Variants in SCN2A observed in about 807,000 individuals in gnomAD.
SCN2A encodes the protein sodium voltage-gated channel alpha subunit 2.
SCN2A carries 20 observed loss-of-function variants against 188.7 expected under a neutral mutation model. The observed-to-expected ratio is 0.11, with a 90% CI of 0.07 to 0.15. SCN2A has a LOEUF of 0.15. SCN2A is among the 10% of genes least tolerant of loss of function. The probability of loss-of-function intolerance (pLI) is 1.00; values close to 1 mark genes in which losing one functional copy is unlikely to be tolerated. For missense variants in SCN2A, 1,278 were observed against 2,445.0 expected (o/e 0.52, Z 10.07); for synonymous variants, 804 against 833.1 (o/e 0.97, Z 0.60).
At chr2:165,249,605 C>G (rs570440570) in intron 1 of SCN2A, among the ~76,000 whole-genome samples, 1 of 151,940 alleles carries the variant, frequency 6.6e-6, no homozygotes, top group Non-Finnish European at 1.5e-5. Flanking sequence ...AAATTGACCT[C>G]ATCGTTTTGT....
In SCN2A at chr2:165,354,793, A is replaced by C. The variant is rs1345462723; in HGVS notation, c.3399+122A>C. The C allele has an allele frequency of 3.1e-6, 3 of 969,684 alleles. No homozygotes were observed. The African/African-American group carries it at 5.0e-5, about 16-fold the overall frequency. The allele number at this position is 969,684 out of a possible 1,614,324, so 60.1% of individuals were successfully genotyped here. ...GAAAATAGAAAATATCTGTCTAGCAATATATTTTCCATGGAAAAGTTGGTA... is the reference window on the plus strand; with the variant it reads ...GAAAATAGAAAATATCTGTCTAGCACTATATTTTCCATGGAAAAGTTGGTA... On this transcript the variant is annotated intron_variant, in intron 17 of 26. Transcript: ENST00000375437.
At chr2:165,292,423 C>A (rs1309484168) in intron 1 of SCN2A, among the ~76,000 whole-genome samples, 1 of 152,120 alleles carries the variant, frequency 6.6e-6, no homozygotes, top group Non-Finnish European at 1.5e-5. Flanking sequence ...ATTGAACCCA[C>A]CACCCAGGTA....
At chr2:165,287,289 C>T (rs1695886695) in intron 1 of SCN2A, among the ~76,000 whole-genome samples, 1 of 152,144 alleles carries the variant, frequency 6.6e-6, no homozygotes, top group African/African-American at 2.4e-5. Context: ...AGGCTGTACA[C>T]ATGTGCAGTG....
chr2:165,313,610 C>T lies in SCN2A; in HGVS notation c.1035-10C>T. The stretch of plus-strand genomic sequence containing the variant: ...ATTGACTTCCTTTCTTTCCTCTAAC[C>T]TAATTATAGCCAGTGTCCTGAAGGA... On this transcript the variant is annotated splice_polypyrimidine_tract_variant and intron_variant, in intron 8 of 26. Coordinates refer to ENST00000375437, the MANE Select transcript of SCN2A (RefSeq NM_001040142.2). 6.2e-7 allele frequency: 1 copy of T among 1,613,154 alleles called. No individual in the cohort carries two copies. Among genetic ancestry groups the T allele is most frequent in the Non-Finnish European group, 8.5e-7 (1 of 1,179,292 alleles).
chr2:165,339,948 G>A (rs1213650612), intron 14 of SCN2A, among the ~76,000 whole-genome samples: 1 of 152,100 alleles, frequency 6.6e-6, no homozygotes, highest in Non-Finnish European at 1.5e-5. Context: ...CATAAACAAA[G>A]ATATCAATGG....
At chr2:165,299,960 C>A (rs1470606036) in intron 3 of SCN2A, among the ~76,000 whole-genome samples, 2 of 152,144 alleles carry the variant, frequency 1.3e-5, no homozygotes, top group Admixed American at 1.3e-4. Context: ...CTATTAGGAG[C>A]TATTGTGTAT....
intron 18 of SCN2A, among the ~76,000 whole-genome samples, chr2:165,365,704 T>G (rs990195681): frequency 1.3e-5 from 2 of 152,148 alleles, no homozygotes; most frequent in African/African-American, 4.8e-5. Flanking sequence ...GGGTAATAAT[T>G]GATAAGTGTA....
chr2:165,263,791 T>A (rs1694714008), intron 1 of SCN2A, among the ~76,000 whole-genome samples: 1 of 152,006 alleles, frequency 6.6e-6, no homozygotes, highest in African/African-American at 2.4e-5. Flanking sequence ...GTGTTTCCAT[T>A]TGTTTGTGTT....
At chr2:165,247,913 C>A (rs1439900587) in intron 1 of SCN2A, among the ~76,000 whole-genome samples, 1 of 152,162 alleles carries the variant, frequency 6.6e-6, no homozygotes, top group Non-Finnish European at 1.5e-5. Flanking sequence ...TCGCTTTCCC[C>A]ACCTTACTTT....
At chr2:165,249,810 A>G (rs1212331488) in intron 1 of SCN2A, among the ~76,000 whole-genome samples, 1 of 152,056 alleles carries the variant, frequency 6.6e-6, no homozygotes, top group African/African-American at 2.4e-5. Flanking sequence ...GTCTTATCTA[A>G]TATAAATATG....
chr2:165,339,561 A>G (rs1699197431), intron 14 of SCN2A, among the ~76,000 whole-genome samples: 1 of 151,984 alleles, frequency 6.6e-6, no homozygotes, highest in South Asian at 2.1e-4. Flanking sequence ...ATTTACCATA[A>G]TATCAAAAAA....
Position 165,323,188 on chromosome 2 carries a change from T to C in SCN2A, c.1704T>C (p.Ser568=). 1 of 1,614,188 alleles carries C rather than the reference T, an allele frequency of 6.2e-7. No individual in the cohort carries two copies. The highest frequency in any genetic ancestry group is 1.6e-4 in the Middle Eastern group (1 of 6,062). ...TGAGCATCCGTGGCTCCCTTTTCTC[T>C]CCAAGACGCAACAGTAGGGCGAGCC... ...SLLSIRGSLF[S]PRRNSRASLF... is the part of the protein sequence containing the mutation. Residue 568 remains serine, a synonymous_variant, in exon 12 of 27, where the codon TCT becomes TCC. Coordinates refer to ENST00000375437, the MANE Select transcript of SCN2A (RefSeq NM_001040142.2).
chr2:165,293,773 T>G (rs940815041), intron 1 of SCN2A: 8 of 920,404 alleles, frequency 8.7e-6, no homozygotes, highest in Middle Eastern at 1.1e-3. Context: ...CAACAAAGTT[T>G]TAATGTTTCG....
At chr2:165,327,075 G>T in intron 13 of SCN2A, 91 bp downstream of exon 13, 1 of 1,443,062 alleles carries the variant, frequency 6.9e-7, no homozygotes, top group Non-Finnish European at 9.7e-7. Flanking sequence ...TTCCTGACTT[G>T]ATATTGTATC....
At chr2:165,270,868 C>G (rs889667242) in intron 1 of SCN2A, 1 of 152,006 alleles carries the variant, frequency 6.6e-6, no homozygotes, top group African/African-American at 2.4e-5. Context: ...AGAATAAATC[C>G]TTTTTGGGAG....
intron 1 of SCN2A, among the ~76,000 whole-genome samples, chr2:165,281,180 A>C (rs776615661): frequency 6.6e-6 from 1 of 152,154 alleles, no homozygotes; most frequent in Non-Finnish European, 1.5e-5. Context: ...TTGCCACTAC[A>C]CACTAGTCTG....
chr2:165,331,251 A>T, intron 13 of SCN2A, 79 bp from the exon 14 acceptor site: 1 of 1,134,322 alleles, frequency 8.8e-7, no homozygotes, highest in South Asian at 1.3e-5. Context: ...AGATTTTTTA[A>T]ATTCCTTTTA....
In SCN2A at chr2:165,323,429, G is replaced by A. The variant is rs1698173114; in HGVS notation, c.1945G>A (p.Asp649Asn). ...GAATGGGAAGATGCATAGCGCTGTG[G>A]ACTGCAATGGTGTGGTCTCCCTGGT... ...PMNGKMHSAV[D>N]CNGVVSLVGG... The change falls in exon 12 of 27, where the codon GAC (aspartate) becomes AAC (asparagine). Residue 649 changes from aspartate (D) to asparagine (N), a missense_variant. By Grantham distance (23) the Asp-to-Asn change is conservative. Transcript: ENST00000375437. 3 of 1,613,858 alleles carry A rather than the reference G, an allele frequency of 1.9e-6. No homozygotes were observed. Among genetic ancestry groups the A allele is most frequent in the East Asian group, 4.5e-5 (2 of 44,872 alleles).
chr2:165,284,331 T>C (rs1317594010), intron 1 of SCN2A, among the ~76,000 whole-genome samples: 3 of 151,974 alleles, frequency 2.0e-5, no homozygotes, highest in Non-Finnish European at 4.4e-5. Flanking sequence ...CCACCACACC[T>C]GGCTAATTGT....
Sources: gnomAD v4.1 joint callset for allele counts (sites outside exome capture counted in the v4.1 genomes callset) on GRCh38, gnomAD v4.1.1 for gene constraint, MANE v1.5 for transcripts, NCBI Gene and HGNC (gene_info 2026-07-23, HGNC 2026-07-21) for gene names.